Variants in CPA6 observed in about 807,000 individuals in gnomAD.
The protein encoded by CPA6 is carboxypeptidase A6, also known as carboxypeptidase B.
CPA6 carries 58 observed loss-of-function variants against 63.3 expected under a neutral mutation model. The ratio of observed to expected loss-of-function variants is 0.92; its 90% CI spans 0.74 to 1.14. The LOEUF (loss-of-function observed/expected upper bound fraction) is 1.14. Ranked by LOEUF, CPA6 falls within the 50% of genes most tolerant of loss-of-function variation. The pLI is 0.00. For missense variants in CPA6, 565 were observed against 526.6 expected, an observed-to-expected ratio of 1.07 and a Z score of -0.71; for synonymous variants, 185 against 179.0, an observed-to-expected ratio of 1.03 and a Z score of -0.27.
chr8:67,724,597 A>G (rs1196314959), intron 1 of CPA6, among the ~76,000 whole-genome samples: 1 of 152,240 alleles, frequency 6.6e-6, no homozygotes, highest in Non-Finnish European at 1.5e-5. Flanking sequence ...GAGAATTGAA[A>G]GCAACTACTT....
intron 1 of CPA6, among the ~76,000 whole-genome samples, chr8:67,716,982 T>C (rs1407152976): frequency 1.1e-4 from 16 of 152,156 alleles, no homozygotes; most frequent in Non-Finnish European, 4.4e-5. Flanking sequence ...GTATGTTTGT[T>C]TCTATGTAGT....
intron 2 of CPA6, among the ~76,000 whole-genome samples, chr8:67,530,681 A>T (rs887807517): frequency 6.6e-6 from 1 of 152,206 alleles, no homozygotes; most frequent in Non-Finnish European, 1.5e-5. Flanking sequence ...AAAGTTGTAG[A>T]TGTCTGTTAT....
At chr8:67,443,991 GT>G (rs773274256) in intron 8 of CPA6, among the ~76,000 whole-genome samples, 61 of 142,004 alleles carry the variant, frequency 4.3e-4, no homozygotes, top group East Asian at 1.2e-3. Flanking sequence ...GACATCCGTA[GT>G]TTTTTTTTTT....
At chr8:67,607,102 TTC>T in intron 2 of CPA6, among the ~76,000 whole-genome samples, 1 of 147,940 alleles carries the variant, frequency 6.8e-6, no homozygotes, top group African/African-American at 2.6e-5. Context: ...CTTCTTCTTC[TTC>T]TTTCCTCCTC....
rs554729102 is a variant in CPA6, at chr8:67,711,538, TG to T, written c.116+34475del. On this transcript the variant is annotated intron_variant, in intron 1 of 10. Transcript: ENST00000297770. ...CTAGCCCTCCTCTTGTCTATCTGCA[TG>T]AGCTCATTGACAGCCTGAGGAGGCT... Among the ~76,000 whole-genome samples, 51 of 152,304 alleles carry T rather than the reference TG, an allele frequency of 3.3e-4. 2 individuals are homozygous for T. The South Asian group carries it at 9.3e-3, about 28-fold the overall frequency.
chr8:67,520,918 T>C (rs1338994452), intron 2 of CPA6, among the ~76,000 whole-genome samples: 3 of 152,224 alleles, frequency 2.0e-5, no homozygotes, highest in Non-Finnish European at 4.4e-5. Flanking sequence ...ATTCTGGTCT[T>C]TCCTGTGGGG....
At chr8:67,565,057 G>A (rs992767629) in intron 2 of CPA6, among the ~76,000 whole-genome samples, 1 of 152,166 alleles carries the variant, frequency 6.6e-6, no homozygotes, top group African/African-American at 2.4e-5. Context: ...AGCTAGAGAT[G>A]GCTATCTAAA....
chr8:67,587,684 G>T (rs1240044250), intron 2 of CPA6, among the ~76,000 whole-genome samples: 4 of 152,126 alleles, frequency 2.6e-5, no homozygotes. Context: ...TCCTGTTAGT[G>T]GTCGGGGCTG....
At chr8:67,691,140 A>G (rs949383376) in intron 1 of CPA6, among the ~76,000 whole-genome samples, 4 of 152,242 alleles carry the variant, frequency 2.6e-5, no homozygotes, top group Non-Finnish European at 4.4e-5. Context: ...GAAAACGAGG[A>G]AATTCACACA....
At chr8:67,535,445 C>G (rs994377361) in intron 2 of CPA6, among the ~76,000 whole-genome samples, 3 of 152,184 alleles carry the variant, frequency 2.0e-5, no homozygotes, top group African/African-American at 7.2e-5. Context: ...ATTTGCATTT[C>G]TCTGATGACC....
At position 67,653,317 on chromosome 8, in the gene CPA6, A is replaced by G. The variant is rs535111948; in HGVS notation, c.117-29066T>C. On this transcript the variant is annotated intron_variant, in intron 1 of 10. Transcript: ENST00000297770. ...GCTTGATGGGGAGGGCAATGAATCT[A>G]TAAATTACCTTGGGCAGTATGGCCA... Among the ~76,000 whole-genome samples the G allele has an allele frequency of 7.2e-5, 11 of 152,278 alleles. 1 individual carries two copies. Among genetic ancestry groups the G allele is most frequent in the African/African-American group, 2.4e-4 (10 of 41,552 alleles).
chr8:67,659,959 C>A (rs1816071908), intron 1 of CPA6, among the ~76,000 whole-genome samples: 1 of 152,124 alleles, frequency 6.6e-6, no homozygotes, highest in African/African-American at 2.4e-5. Flanking sequence ...AGATAGCAAC[C>A]TTTAAAATAT....
intron 6 of CPA6, among the ~76,000 whole-genome samples, chr8:67,486,703 A>G (rs2128961624): frequency 6.6e-6 from 1 of 152,266 alleles, no homozygotes; most frequent in Admixed American, 6.5e-5. Flanking sequence ...ATTTTTTAAT[A>G]TATTTGAATT....
chr8:67,658,328 G>C (rs11784274), intron 1 of CPA6, among the ~76,000 whole-genome samples: 53,954 of 152,072 alleles, frequency 0.35, 10,679 homozygotes, highest in East Asian at 0.59. Flanking sequence ...TTAGGTCAGG[G>C]GTTAGTTCTT....
At chr8:67,597,999 AT>A (rs1448612105) in intron 2 of CPA6, among the ~76,000 whole-genome samples, 1 of 152,196 alleles carries the variant, frequency 6.6e-6, no homozygotes, top group Non-Finnish European at 1.5e-5. Flanking sequence ...CCTTAAACTA[AT>A]TTTAGGATGT....
intron 8 of CPA6, among the ~76,000 whole-genome samples, chr8:67,470,971 T>C (rs1287788344): frequency 6.6e-6 from 1 of 152,194 alleles, no homozygotes; most frequent in African/African-American, 2.4e-5. Context: ...AGCAAGGTCA[T>C]GTTGTTCCTT....
intron 2 of CPA6, among the ~76,000 whole-genome samples, chr8:67,619,392 T>A (rs778360165): frequency 2.0e-5 from 3 of 152,182 alleles, no homozygotes; most frequent in Non-Finnish European, 4.4e-5. Flanking sequence ...AGTCCCGACA[T>A]GGCTGGCTAG....
At chr8:67,475,881 C>CTTTCTCCTTT (rs1491556290) in intron 8 of CPA6, among the ~76,000 whole-genome samples, 9 of 43,110 alleles carry the variant, frequency 2.1e-4, no homozygotes, top group Non-Finnish European at 2.7e-4. Flanking sequence ...CTTTCTTTCT[C>CTTTCTCCTTT]CTTTCTTTCT....
chr8:67,681,195 A>ATTTTATTTTTTTTTTTT (rs1554533441), intron 1 of CPA6, among the ~76,000 whole-genome samples: 3 of 97,150 alleles, frequency 3.1e-5, no homozygotes, highest in East Asian at 2.6e-4. Flanking sequence ...GGTCACAAAG[A>ATTTTATTTTTTTTTTTT]TTTTCTTTTT....
Sources: allele counts gnomAD v4.1 joint callset (sites outside exome capture counted in the v4.1 genomes callset), GRCh38; gene constraint gnomAD v4.1.1; transcripts MANE v1.5; gene names NCBI Gene and HGNC (gene_info 2026-07-23, HGNC 2026-07-21).